Variants in ITFG2 observed in about 807,000 individuals in gnomAD.
The protein encoded by ITFG2 is KICSTOR complex protein ITFG2.
Under a neutral mutation model 54.4 loss-of-function variants are expected in ITFG2, and 36 were observed. The observed-to-expected ratio is 0.66, with a 90% CI of 0.51 to 0.87. The LOEUF is 0.87. ITFG2 is among the 40% of genes least tolerant of loss of function. ITFG2 has a pLI of 0.00. For missense variants in ITFG2, 524 were observed against 576.7 expected (o/e 0.91, Z 0.94); for synonymous variants, 211 against 225.4 (o/e 0.94, Z 0.57).
At chr12:2,820,660 C>CCCCGGGG in intron 5 of ITFG2, 64 bp from the exon 6 acceptor site, 8 of 1,227,934 alleles carry the variant, frequency 6.5e-6, no homozygotes, top group African/African-American at 1.5e-5. Context: ...CGCCCCCTGC[C>CCCCGGGG]GTTCTCTGCA....
At chr12:2,816,640 T>TC (rs2097922708) in intron 1 of ITFG2, among the ~76,000 whole-genome samples, 1 of 140,502 alleles carries the variant, frequency 7.1e-6, no homozygotes, top group Admixed American at 7.1e-5. Flanking sequence ...TTTTTTCTTT[T>TC]TTTTTTTTTT....
chr12:2,859,213 C>G, intron 3 of ITFG2: 3 of 1,612,216 alleles, frequency 1.9e-6, no homozygotes, highest in Non-Finnish European at 1.7e-6. Flanking sequence ...GGGAGCTCTG[C>G]GGCCCAGCGG....
chr12:2,821,309 G>T lies in ITFG2; in HGVS notation c.743G>T (p.Arg248Leu). ...RDVVLHQTSG[R>L]IHNKNVSTHL... is the part of the protein sequence containing the mutation. ...GTGGTGCTGCACCAGACATCTGGCCGTATCCACAACAAGAATGTCTCCACT... is the reference window on the plus strand; with the variant it reads ...GTGGTGCTGCACCAGACATCTGGCCTTATCCACAACAAGAATGTCTCCACT... The change falls in exon 7 of 12, where the codon CGT (arginine) becomes CTT (leucine). Residue 248 changes from arginine (R) to leucine (L), a missense_variant. By Grantham distance (102) the Arg-to-Leu change is moderately radical (BLOSUM62 -2). Transcript: ENST00000228799. 1 of 1,610,046 alleles carries T rather than the reference G, an allele frequency of 6.2e-7. No homozygotes were observed.
At chr12:2,820,697 TC>T (rs1565413722) in intron 5 of ITFG2, 26 bp from the exon 6 acceptor site, 1 of 1,395,716 alleles carries the variant, frequency 7.2e-7, no homozygotes, top group Non-Finnish European at 9.6e-7. Context: ...TCTCTCCGTC[TC>T]CCTTTAATCC....
At chr12:2,857,511 G>A (rs989574802) in intron 2 of ITFG2, 1 of 165,234 alleles carries the variant, frequency 6.1e-6, no homozygotes, top group African/African-American at 2.4e-5. Flanking sequence ...TGGGAAAACT[G>A]GCAATTTGTG....
upstream of ITFG2, chr12:2,835,061 C>G (rs1403059588): frequency 4.8e-6 from 7 of 1,447,272 alleles, no homozygotes; most frequent in Non-Finnish European, 5.4e-6. Flanking sequence ...AAAACCCAGT[C>G]CTAGAAGAGA....
At position 2,840,553 on chromosome 12, in the gene ITFG2, G is replaced by A. The variant is rs529883220; in HGVS notation, n.147-289G>A. Among the ~76,000 whole-genome samples the A allele has an allele frequency of 8.5e-5, 13 of 152,106 alleles. No individual in the cohort carries two copies. In the South Asian group the frequency reaches 2.3e-3, roughly 27 times the overall value. ...TGTAATCCCAGCACTTTGGGAGGCC[G>A]AGGCAGGCAGATCACGAGGTCAGGA... On this transcript the variant is annotated intron_variant and non_coding_transcript_variant, in intron 1 of 3. Transcript: ENST00000537710.
chr12:2,832,711 T>A (rs1018445186), upstream of ITFG2, among the ~76,000 whole-genome samples: 1 of 149,852 alleles, frequency 6.7e-6, no homozygotes, highest in African/African-American at 2.5e-5. Flanking sequence ...TGAGTCTACC[T>A]CACTCATTTT....
Position 2,855,097 on chromosome 12 carries a change from G to GGGGGGAT in ITFG2, n.301-2910_301-2904dup, listed in dbSNP as rs1565453167. ...GCTGTTTTGCCCCATCCAGGAGGGA[G>GGGGGGAT]GGGGGATGGGGTGCTCCGTGGGGGG... On this transcript the variant is annotated intron_variant and non_coding_transcript_variant, in intron 2 of 3. Coordinates refer to the ITFG2 transcript ENST00000537710. 5 of 1,535,274 alleles carry GGGGGGAT rather than the reference G, an allele frequency of 3.3e-6. No individual in the cohort carries two copies. The African/African-American group carries it at 6.9e-5, about 21-fold the overall frequency.
Position 2,812,684 on chromosome 12 carries a change from C to G in ITFG2, c.-77C>G. 7.8e-7 allele frequency: 1 copy of G among 1,278,558 alleles called. No individual in the cohort carries two copies. Among genetic ancestry groups the G allele is most frequent in the Non-Finnish European group, 1.1e-6 (1 of 881,438 alleles). The allele number at this position is 1,278,558 out of a possible 1,614,324, so 79.2% of individuals were successfully genotyped here. The stretch of plus-strand genomic sequence containing the variant: ...TAACTTGCTGCCTTAGGTGGCCTTC[C>G]GCTCTGGCGGCTGTCGCGACGGGGG... On this transcript the variant is annotated 5_prime_UTR_variant, in exon 1 of 12. Transcript: ENST00000228799.
At chr12:2,817,167 C>A in intron 1 of ITFG2, 56 bp from the exon 2 acceptor site, 1 of 1,149,060 alleles carries the variant, frequency 8.7e-7, no homozygotes, top group Non-Finnish European at 1.3e-6. Flanking sequence ...TAGAGAAGAG[C>A]TTGAAGAGGT....
At chr12:2,852,165 G>A (rs1048964082) in intron 2 of ITFG2, among the ~76,000 whole-genome samples, 1 of 152,038 alleles carries the variant, frequency 6.6e-6, no homozygotes. Flanking sequence ...CCTTCTCTGG[G>A]GACCTAATTC....
At chr12:2,827,141 C>G, downstream of ITFG2, 1 of 1,608,510 alleles carries the variant, frequency 6.2e-7, no homozygotes, top group Non-Finnish European at 8.5e-7. The surrounding 1 kb of genome is among the most constrained non-coding windows in gnomAD (Gnocchi z 4.0). Flanking sequence ...TCAAGAGCCC[C>G]CGTTCCCCAC....
chr12:2,812,945 G>A, intron 1 of ITFG2, 89 bp downstream of exon 1: 1 of 1,129,464 alleles, frequency 8.9e-7, no homozygotes, highest in Middle Eastern at 2.4e-4. Flanking sequence ...CGTGCCACGT[G>A]AGCGTGAGCA....
At chr12:2,835,692 T>C (rs2098025640), upstream of ITFG2, 1 of 152,222 alleles carries the variant, frequency 6.6e-6, no homozygotes. Flanking sequence ...ACAGAAGTTA[T>C]AAAGAATAAG....
chr12:2,817,514 G>A (rs111988496), intron 2 of ITFG2, 196 bp downstream of exon 2: 24 of 578,456 alleles, frequency 4.1e-5, no homozygotes, highest in Middle Eastern at 4.7e-4. Context: ...TCACACACGC[G>A]TGCGTGGGCT....
chr12:2,833,213 T>C (rs2098012164), upstream of ITFG2, among the ~76,000 whole-genome samples: 1 of 152,054 alleles, frequency 6.6e-6, no homozygotes, highest in Non-Finnish European at 1.5e-5. Flanking sequence ...GGGATGGCAA[T>C]GTCAGTAGAG....
chr12:2,836,645 G>A (rs1454868384), upstream of ITFG2: 1 of 152,262 alleles, frequency 6.6e-6, no homozygotes, highest in Non-Finnish European at 1.5e-5. Flanking sequence ...TACCTCAGAA[G>A]GCGACCTCAT....
chr12:2,855,438 C>T, intron 2 of ITFG2: 1 of 1,466,846 alleles, frequency 6.8e-7, no homozygotes, highest in Non-Finnish European at 9.0e-7. Context: ...ACTCGCTGGC[C>T]TGGACCATCT....
Sources: gnomAD v4.1 joint callset for allele counts (sites outside exome capture counted in the v4.1 genomes callset) on GRCh38, gnomAD v4.1.1 for gene constraint, Gnocchi (gnomAD v3.1) non-coding constraint, MANE v1.5 for transcripts, NCBI Gene and HGNC (gene_info 2026-07-23, HGNC 2026-07-21) for gene names.